KIF6: variants seen among roughly 807,000 people sequenced by gnomAD.
KIF6 encodes kinesin family member 6, also known as kinesin-like protein KIF6.
A neutral mutation model predicts 112.7 loss-of-function variants in KIF6; 106 were observed. That is an observed-to-expected ratio of 0.94 (90% confidence interval 0.80 to 1.11). The LOEUF (loss-of-function observed/expected upper bound fraction) is 1.11, where lower values mean the gene tolerates loss of function less well. KIF6 is among the 50% of genes least tolerant of loss of function. The pLI, the probability that KIF6 is intolerant of heterozygous loss-of-function variation, is 0.00. For missense variants in KIF6, 929 were observed against 964.0 expected (o/e 0.96, Z 0.48); for synonymous variants, 339 against 339.9 (o/e 1.00, Z 0.03).
chr6:39,627,380 A>G (rs943185165), intron 5 of KIF6, among the ~76,000 whole-genome samples: 20 of 151,934 alleles, frequency 1.3e-4, no homozygotes, highest in African/African-American at 4.8e-4. Context: ...ATGTTATTTT[A>G]TACTAGCTTT....
At chr6:39,669,318 A>T (rs2150827590) in intron 3 of KIF6, among the ~76,000 whole-genome samples, 1 of 152,346 alleles carries the variant, frequency 6.6e-6, no homozygotes, top group East Asian at 1.9e-4. Flanking sequence ...GGCTAAAATC[A>T]TTCAAAGAGT....
intron 18 of KIF6, 50 bp from the exon 19 acceptor site, chr6:39,357,424 T>C (rs940620828): frequency 1.2e-5 from 13 of 1,046,734 alleles, no homozygotes; most frequent in Middle Eastern, 2.2e-4. Context: ...TCTAATGACA[T>C]AGGAAGATGT....
intron 15 of KIF6, among the ~76,000 whole-genome samples, chr6:39,406,064 C>T (rs1213611870): frequency 6.6e-6 from 1 of 151,972 alleles, no homozygotes; most frequent in African/African-American, 2.4e-5. Context: ...GCTCTGTTGC[C>T]CAGGCTGGAG....
intron 19 of KIF6, among the ~76,000 whole-genome samples, chr6:39,352,579 T>A (rs1745524823): frequency 6.6e-6 from 1 of 151,504 alleles, no homozygotes. Context: ...GCATTGCAGG[T>A]TCATCACTTT....
In KIF6 at chr6:39,336,644, C is replaced by T. The variant is rs1762922959; in HGVS notation, c.2429-96G>A. The T allele has an allele frequency of 2.2e-5, 24 of 1,087,204 alleles. No homozygotes were observed. The South Asian group carries it at 2.9e-4, about 13-fold the overall frequency. The allele number at this position is 1,087,204 out of a possible 1,614,324, so 67.3% of individuals were successfully genotyped here. A position where few individuals can be genotyped will look rare whatever the true frequency, so the allele number is the denominator to read the frequency against. ...GGGGGAGGGGAGGCCACCAGCCACT[C>T]CCCCTGGGTCTTGGGCACTGCATCT... On this transcript the variant is annotated intron_variant, in intron 22 of 22. Transcript: ENST00000287152.
At chr6:39,524,264 A>G (rs143606382) in intron 13 of KIF6, among the ~76,000 whole-genome samples, 49 of 152,194 alleles carry the variant, frequency 3.2e-4, no homozygotes, top group African/African-American at 9.4e-4. Flanking sequence ...TACAGCATAT[A>G]TTTTGTCATG....
At chr6:39,355,332 A>G (rs1336005346) in intron 19 of KIF6, among the ~76,000 whole-genome samples, 2 of 152,164 alleles carry the variant, frequency 1.3e-5, no homozygotes, top group Admixed American at 6.5e-5. Flanking sequence ...AGTCACTCCA[A>G]AAAGTTAGAA....
intron 13 of KIF6, among the ~76,000 whole-genome samples, chr6:39,533,282 C>A (rs1454295301): frequency 1.3e-5 from 2 of 152,168 alleles, no homozygotes; most frequent in African/African-American, 2.4e-5. Flanking sequence ...ACAGATGGCA[C>A]CCGGAAAATC....
In KIF6 at chr6:39,438,774, T is replaced by C. The variant is rs1438905688; in HGVS notation, c.1646-7613A>G. Among the ~76,000 whole-genome samples, 5 of 152,348 alleles carry C rather than the reference T, an allele frequency of 3.3e-5. No homozygotes were observed. The East Asian group carries it at 9.6e-4, about 29-fold the overall frequency. On this transcript the variant is annotated intron_variant, in intron 13 of 22. Coordinates refer to ENST00000287152, the MANE Select transcript of KIF6 (RefSeq NM_145027.6). ...TTTATAAAATACACATAGTGTACAG[T>C]AATGTTCTAGGCCTTCACACTCACT...
chr6:39,421,988 C>G (rs1192181788), intron 14 of KIF6, among the ~76,000 whole-genome samples: 2 of 152,166 alleles, frequency 1.3e-5, no homozygotes, highest in African/African-American at 4.8e-5. Context: ...CATCACTGCT[C>G]TGTCCATCCC....
rs527642477 is a variant in KIF6, at chr6:39,604,016, C to T, written c.640-7756G>A. On this transcript the variant is annotated intron_variant, in intron 6 of 22. Coordinates refer to ENST00000287152, the MANE Select transcript of KIF6 (RefSeq NM_145027.6). ...CATTATAAAGCATATGCCTGAGACT[C>T]CTTAAAACAAACCAACTAAGAACAA... Among the ~76,000 whole-genome samples the T allele has an allele frequency of 6.6e-5, 10 of 151,332 alleles. No homozygotes were observed. The East Asian group carries it at 1.4e-3, about 20-fold the overall frequency.
chr6:39,596,002 G>C (rs1369025231), intron 7 of KIF6, 52 bp downstream of exon 7: 2 of 1,395,318 alleles, frequency 1.4e-6, no homozygotes, highest in Non-Finnish European at 2.0e-6. Context: ...ATAGTATGTG[G>C]TCAACACATG....
intron 5 of KIF6, among the ~76,000 whole-genome samples, chr6:39,615,064 T>C (rs1783428402): frequency 6.6e-6 from 1 of 152,008 alleles, no homozygotes. Flanking sequence ...ATCCCAGCAC[T>C]TTGGACACTG....
chr6:39,717,148 C>T (rs1161538506), intron 2 of KIF6, among the ~76,000 whole-genome samples: 1 of 152,106 alleles, frequency 6.6e-6, no homozygotes, highest in East Asian at 1.9e-4. Flanking sequence ...TAATTTCATT[C>T]CTCTGCTCAA....
Position 39,343,770 on chromosome 6 carries a change from G to C in KIF6, c.2367C>G (p.Ser789Arg). ...AGGCGATGATGTCCGAGTCCGTCTGGCTGTCTCCGGTGAGAGGGATGGACG... is the reference window on the plus strand; with the variant it reads ...AGGCGATGATGTCCGAGTCCGTCTGCCTGTCTCCGGTGAGAGGGATGGACG... ...PVSSIPLTGDSQTDSDIIAFI... is the reference protein window; with the variant it reads ...PVSSIPLTGDRQTDSDIIAFI... The change falls in exon 22 of 23, where the codon AGC (serine) becomes AGG (arginine). Residue 789 changes from serine (S) to arginine (R), a missense_variant. By Grantham distance (110) the Ser-to-Arg change is moderately radical. This residue lies in a region of KIF6 where 241 missense variants were observed against 301.4 expected (regional missense o/e 0.80). Coordinates refer to ENST00000287152, the MANE Select transcript of KIF6 (RefSeq NM_145027.6). The surrounding 1 kb of genome is among the most constrained non-coding windows in gnomAD (Gnocchi z 4.1). The C allele has an allele frequency of 6.2e-7, 1 of 1,612,852 alleles. No individual in the cohort carries two copies. Among genetic ancestry groups the C allele is most frequent in the Non-Finnish European group, 8.5e-7 (1 of 1,179,492 alleles).
intron 13 of KIF6, among the ~76,000 whole-genome samples, chr6:39,507,505 C>G (rs1442388753): frequency 6.6e-6 from 1 of 152,148 alleles, no homozygotes; most frequent in East Asian, 1.9e-4. Flanking sequence ...GGCTGTTCCT[C>G]CATCACATGG....
At chr6:39,648,324 G>A (rs1253389461) in intron 3 of KIF6, among the ~76,000 whole-genome samples, 2 of 152,032 alleles carry the variant, frequency 1.3e-5, no homozygotes, top group African/African-American at 2.4e-5. Context: ...TTATAGGCAT[G>A]AGCCACCATG....
chr6:39,711,272 G>A, intron 3 of KIF6, among the ~76,000 whole-genome samples: 1 of 99,560 alleles, frequency 1.0e-5, no homozygotes, highest in Non-Finnish European at 2.2e-5. Context: ...AAAACACCTG[G>A]AAAGTAAAAA....
chr6:39,454,364 G>A (rs1377054515), intron 13 of KIF6, among the ~76,000 whole-genome samples: 2 of 152,080 alleles, frequency 1.3e-5, no homozygotes, highest in South Asian at 2.1e-4. Context: ...CTCCAAAGAT[G>A]TGAATAGATA....
Sources: allele counts gnomAD v4.1 joint callset (sites outside exome capture counted in the v4.1 genomes callset), GRCh38; gene constraint gnomAD v4.1.1; regional missense constraint gnomAD v4.1.1; non-coding constraint Gnocchi (gnomAD v3.1); transcripts MANE v1.5; gene names NCBI Gene and HGNC (gene_info 2026-07-23, HGNC 2026-07-21).